Variants in RANBP2 observed in about 807,000 individuals in gnomAD.
The protein encoded by RANBP2 is E3 SUMO-protein ligase RanBP2.
RANBP2 carries 57 observed loss-of-function variants against 303.6 expected under a neutral mutation model. The ratio of observed to expected loss-of-function variants is 0.19; its 90% CI spans 0.15 to 0.23. The LOEUF (loss-of-function observed/expected upper bound fraction) is 0.23. Ranked by LOEUF, RANBP2 falls within the 10% of genes least tolerant of loss-of-function variation. The pLI is 1.00. For synonymous variants in RANBP2, 1,167 were observed against 1,301.5 expected (o/e 0.90, Z 2.23); for missense variants, 3,138 against 3,780.8 (o/e 0.83, Z 4.46).
chr2:108,818,033 C>T, the RANBP2 span, among the ~76,000 whole-genome samples: 4 of 152,214 alleles, frequency 2.6e-5, no homozygotes, highest in African/African-American at 7.2e-5. Flanking sequence ...GGGCTGGGCA[C>T]GGTGGCTCAT....
At chr2:109,330,950 AGT>A in the RANBP2 span, among the ~76,000 whole-genome samples, 1 of 152,138 alleles carries the variant, frequency 6.6e-6, no homozygotes, top group Admixed American at 6.6e-5. Context: ...GTCCCCAGCA[AGT>A]GTGTGTTGAA....
intron 1 of RANBP2, among the ~76,000 whole-genome samples, chr2:108,720,778 G>A (rs1248685711): frequency 1.3e-5 from 2 of 152,234 alleles, no homozygotes; most frequent in South Asian, 2.1e-4. Context: ...GGGCGCAGTG[G>A]CTCACGCCTG....
At chr2:108,803,951 A>G in the RANBP2 span, among the ~76,000 whole-genome samples, 1 of 152,174 alleles carries the variant, frequency 6.6e-6, no homozygotes, top group Admixed American at 6.5e-5. Flanking sequence ...ACTATATCCT[A>G]AGTTATTTAA....
chr2:109,496,468 T>A, the RANBP2 span, among the ~76,000 whole-genome samples: 21,533 of 152,248 alleles, frequency 0.14, 1,730 homozygotes, highest in Middle Eastern at 0.24. Context: ...TCCAGCTGGC[T>A]TCACCTTTCA....
chr2:109,249,651 T>C, the RANBP2 span, among the ~76,000 whole-genome samples: 2 of 149,064 alleles, frequency 1.3e-5, no homozygotes, highest in Non-Finnish European at 3.0e-5. Context: ...GTTTCTCTCT[T>C]TCTTTCTTTC....
the RANBP2 span, among the ~76,000 whole-genome samples, chr2:109,629,095 G>A: frequency 7.3e-5 from 11 of 151,378 alleles, no homozygotes; most frequent in East Asian, 1.8e-3. Context: ...CCAGCTACTC[G>A]GTAAGCTGAG....
the RANBP2 span, among the ~76,000 whole-genome samples, chr2:109,293,596 C>G: frequency 6.6e-6 from 1 of 152,244 alleles, no homozygotes; most frequent in Non-Finnish European, 1.5e-5. Flanking sequence ...CCTGGGAAGC[C>G]TCTTCCTGAA....
At chr2:108,770,165 T>C (rs1677399040) in intron 20 of RANBP2, among the ~76,000 whole-genome samples, 1 of 152,162 alleles carries the variant, frequency 6.6e-6, no homozygotes, top group Non-Finnish European at 1.5e-5. Flanking sequence ...CCTTATTTTG[T>C]TTTGAATCTG....
At chr2:109,324,928 C>T in the RANBP2 span, among the ~76,000 whole-genome samples, 13 of 152,336 alleles carry the variant, frequency 8.5e-5, no homozygotes, top group East Asian at 2.1e-3. Flanking sequence ...CTCCTCTTGC[C>T]ATTCCTATAC....
the RANBP2 span, among the ~76,000 whole-genome samples, chr2:109,514,270 G>A: frequency 6.6e-6 from 1 of 152,128 alleles, no homozygotes; most frequent in African/African-American, 2.4e-5. Context: ...ACTTGGTTAC[G>A]GCTCTGAGCT....
chr2:108,724,536 G>C (rs1330806705), intron 1 of RANBP2, among the ~76,000 whole-genome samples: 3 of 151,974 alleles, frequency 2.0e-5, no homozygotes, highest in Non-Finnish European at 4.4e-5. Flanking sequence ...TGAGATTCTT[G>C]TTCTTGGTAA....
chr2:109,150,320 G>A, the RANBP2 span, among the ~76,000 whole-genome samples: 2 of 152,030 alleles, frequency 1.3e-5, no homozygotes, highest in Non-Finnish European at 2.9e-5. Flanking sequence ...GGGGGAGGGG[G>A]CATGAGGCTG....
chr2:109,008,275 G>GC, the RANBP2 span, among the ~76,000 whole-genome samples: 1 of 152,176 alleles, frequency 6.6e-6, no homozygotes, highest in African/African-American at 2.4e-5. Context: ...AGACTGTGTA[G>GC]CAGAGAATGT....
chr2:109,506,225 G>A, the RANBP2 span, among the ~76,000 whole-genome samples: 19 of 152,208 alleles, frequency 1.2e-4, 1 homozygote, highest in African/African-American at 4.6e-4. Context: ...GTTTTGTGAT[G>A]GGAGTTGGTA....
chr2:109,635,299 C>G, the RANBP2 span, among the ~76,000 whole-genome samples: 1 of 152,314 alleles, frequency 6.6e-6, no homozygotes, highest in East Asian at 1.9e-4. Context: ...TCTCCTGCCT[C>G]AGCCTCCTGA....
At chr2:108,837,687 A>T in the RANBP2 span, among the ~76,000 whole-genome samples, 1 of 152,312 alleles carries the variant, frequency 6.6e-6, no homozygotes, top group Non-Finnish European at 1.5e-5. Context: ...TGTAGAGTAC[A>T]TAATACTTGA....
the RANBP2 span, among the ~76,000 whole-genome samples, chr2:108,891,569 T>C: frequency 6.6e-6 from 1 of 152,226 alleles, no homozygotes; most frequent in Non-Finnish European, 1.5e-5. Flanking sequence ...AGCAATGGGC[T>C]AAGTGTGCCT....
chr2:109,290,431 T>C, the RANBP2 span, among the ~76,000 whole-genome samples: 2 of 152,200 alleles, frequency 1.3e-5, no homozygotes, highest in Non-Finnish European at 2.9e-5. Flanking sequence ...AACACACACA[T>C]ATATGCATGC....
the RANBP2 span, among the ~76,000 whole-genome samples, chr2:109,763,725 C>G: frequency 6.7e-6 from 1 of 150,278 alleles, no homozygotes; most frequent in Non-Finnish European, 1.5e-5. Flanking sequence ...CATAGAAAAA[C>G]TTTTTTGAAG....
Sources: allele counts gnomAD v4.1 joint callset (sites outside exome capture counted in the v4.1 genomes callset), GRCh38; gene constraint gnomAD v4.1.1; transcripts MANE v1.5; gene names NCBI Gene and HGNC (gene_info 2026-07-23, HGNC 2026-07-21).